The following COL18A1 variants were observed in gnomAD, a reference collection of about 807,000 sequenced individuals.
The protein encoded by COL18A1 is collagen type XVIII alpha 1 chain.
A neutral mutation model predicts 168.0 loss-of-function variants in COL18A1; 133 were observed. That is an observed-to-expected ratio of 0.79 (90% CI 0.69 to 0.91). COL18A1 has a LOEUF of 0.91. Among genes scored for constraint, COL18A1 ranks in the 40% least tolerant of loss-of-function variants. The pLI is 0.00. For missense variants in COL18A1, 2,126 were observed against 1,925.4 expected (o/e 1.10, Z -1.95); for synonymous variants, 949 against 809.0 (o/e 1.17, Z -2.94).
chr21:45,470,480 GGTTTTTTTTTT>G (rs1172032713), intron 3 of COL18A1, among the ~76,000 whole-genome samples: 6 of 85,358 alleles, frequency 7.0e-5, no homozygotes, highest in Non-Finnish European at 1.3e-4. Context: ...TTTTTTTGTG[GGTTTTTTTTTT>G]GTTTTTTTTT....
chr21:45,506,635 G>A (rs73907567), intron 37 of COL18A1: 23,007 of 170,386 alleles, frequency 0.14, 1,635 homozygotes, highest in Admixed American at 0.18. Context: ...GCCCCATGCC[G>A]CCGAAACGGC....
intron 2 of COL18A1, among the ~76,000 whole-genome samples, chr21:45,460,570 C>G (rs1471347521): frequency 2.0e-5 from 3 of 152,218 alleles, no homozygotes; most frequent in African/African-American, 7.2e-5. Flanking sequence ...CCCCATGGGC[C>G]AGCCACTGGC....
At position 45,510,147 on chromosome 21, in the gene COL18A1, G is replaced by A. The variant is rs372559352; in HGVS notation, c.3579G>A (p.Ala1193=). 88 of 1,599,224 alleles carry A rather than the reference G, an allele frequency of 5.5e-5. No individual in the cohort carries two copies. In the Middle Eastern group the frequency reaches 1.3e-3, roughly 24 times the overall value. ...CCGACTTCCAGTGCTTCCAGCAGGC[G>A]CGGGCCGTGGGGCTGGCGGGCACCT... ...RGADFQCFQQ[A]RAVGLAGTFR... is the part of the protein sequence containing the mutation. The change falls in exon 40 of 42, where the codon GCG becomes GCA. Residue 1193 remains alanine, a synonymous_variant. Coordinates refer to ENST00000651438, the MANE Select transcript of COL18A1 (RefSeq NM_001379500.1).
chr21:45,491,324 C>T lies in COL18A1; in HGVS notation c.2157+10C>T, dbSNP rs1405095167. On this transcript the variant is annotated intron_variant, in intron 22 of 41. Coordinates refer to ENST00000651438, the MANE Select transcript of COL18A1 (RefSeq NM_001379500.1). ...CGTGTCGGAGCAGGACGTAAGGACG[C>T]TGCGTGGGTGGGCACCCAATCTGTC... 2.5e-6 allele frequency: 4 copies of T among 1,604,086 alleles called. No homozygotes were observed. The highest frequency in any genetic ancestry group is 1.7e-5 in the Admixed American group (1 of 59,878).
intron 15 of COL18A1, 54 bp from the exon 16 acceptor site, chr21:45,486,807 C>T: frequency 4.6e-6 from 7 of 1,521,928 alleles, no homozygotes; most frequent in Non-Finnish European, 6.1e-6. Context: ...GCTGGGGTTG[C>T]AGGGCCAGCG....
chr21:45,460,665 C>T (rs2035010468), intron 2 of COL18A1, among the ~76,000 whole-genome samples: 1 of 152,316 alleles, frequency 6.6e-6, no homozygotes, highest in Non-Finnish European at 1.5e-5. Context: ...CCTTAAAATG[C>T]TTTGATTTGT....
intron 3 of COL18A1, among the ~76,000 whole-genome samples, chr21:45,469,972 G>A (rs2035353113): frequency 6.6e-6 from 1 of 152,184 alleles, no homozygotes; most frequent in Non-Finnish European, 1.5e-5. Context: ...CCTCCAGTGA[G>A]AGGCAATTTG....
intron 34 of COL18A1, 103 bp from the exon 35 acceptor site, chr21:45,505,031 T>C: frequency 6.9e-7 from 1 of 1,454,738 alleles, no homozygotes; most frequent in Non-Finnish European, 9.3e-7. Flanking sequence ...ACTCAGAGGC[T>C]GCGCTCGCCA....
chr21:45,444,274 C>A (rs936720384), intron 2 of COL18A1, among the ~76,000 whole-genome samples: 11 of 152,168 alleles, frequency 7.2e-5, no homozygotes, highest in African/African-American at 2.2e-4. Context: ...GCAGCAGGAG[C>A]ACGGGTGTGC....
chr21:45,487,237 C>T (rs545578687), intron 16 of COL18A1, among the ~76,000 whole-genome samples: 22 of 152,338 alleles, frequency 1.4e-4, no homozygotes, highest in Non-Finnish European at 3.1e-4. Context: ...TGACCAAGAG[C>T]GAATGAGCTG....
chr21:45,510,338 T>G, intron 40 of COL18A1, 77 bp downstream of exon 40: 1 of 1,477,690 alleles, frequency 6.8e-7, no homozygotes, highest in Non-Finnish European at 9.2e-7. Flanking sequence ...AGCGGGGAGC[T>G]CCCCTCTAGG....
intron 2 of COL18A1, chr21:45,419,988 A>G (rs759243904): frequency 2.6e-5 from 4 of 152,058 alleles, no homozygotes; most frequent in African/African-American, 4.8e-5. Context: ...CCATCCTTTC[A>G]TGGTCACAAA....
chr21:45,505,627 A>G (rs1433680833), intron 36 of COL18A1, among the ~76,000 whole-genome samples, 196 bp downstream of exon 36: 1 of 152,108 alleles, frequency 6.6e-6, no homozygotes, highest in African/African-American at 2.4e-5. Context: ...CCAGCCGGGA[A>G]GTGCCCAGGG....
chr21:45,487,717 G>C (rs557458964), intron 17 of COL18A1: 1 of 702,404 alleles, frequency 1.4e-6, no homozygotes, highest in South Asian at 1.5e-5. Flanking sequence ...CACGGGGTGA[G>C]GGCCTGGTCT....
chr21:45,413,285 A>G (rs918323179), intron 2 of COL18A1, among the ~76,000 whole-genome samples: 21 of 152,208 alleles, frequency 1.4e-4, no homozygotes, highest in African/African-American at 4.8e-4. Context: ...AAAGATGTGT[A>G]TTAGAGAGGG....
At chr21:45,483,431 C>T (rs1326692724) in intron 15 of COL18A1, among the ~76,000 whole-genome samples, 1 of 152,248 alleles carries the variant, frequency 6.6e-6, no homozygotes, top group Middle Eastern at 3.2e-3. Context: ...AGGTCTGGGC[C>T]ACAGCCTGCT....
At chr21:45,447,204 TATATATC>T (rs917886873) in intron 2 of COL18A1, among the ~76,000 whole-genome samples, 4 of 150,868 alleles carry the variant, frequency 2.7e-5, no homozygotes, top group South Asian at 4.2e-4. Flanking sequence ...CTTATATATA[TATATATC>T]ATATATCATA....
chr21:45,489,620 C>T (rs879696804), intron 19 of COL18A1, 99 bp downstream of exon 19: 2 of 720,044 alleles, frequency 2.8e-6, no homozygotes, highest in South Asian at 1.9e-5. Flanking sequence ...CTTCCCCGCT[C>T]TTCCTGCCAC....
rs117627310 is a variant in COL18A1 at position 45,427,351 on chromosome 21, C to T, written c.106+21878C>T. Among the ~76,000 whole-genome samples the T allele has an allele frequency of 5.7e-3, 866 of 152,292 alleles. 5 individuals carry two copies. The highest frequency in any genetic ancestry group is 9.2e-3 in the Non-Finnish European group (629 of 68,018). On this transcript the variant is annotated intron_variant, in intron 2 of 41. Coordinates refer to ENST00000651438, the MANE Select transcript of COL18A1 (RefSeq NM_001379500.1). ...GCAATTCTTAAGGCTGGCATTGAAT[C>T]AGGAGGCCAGATGTGGCCCCTAGTA...
Sources: allele counts gnomAD v4.1 joint callset (sites outside exome capture counted in the v4.1 genomes callset), GRCh38; gene constraint gnomAD v4.1.1; transcripts MANE v1.5; gene names NCBI Gene and HGNC (gene_info 2026-07-23, HGNC 2026-07-21).